The following CDK17 variants were observed in gnomAD, a reference collection of about 807,000 sequenced individuals.
The protein encoded by CDK17 is cyclin dependent kinase 17.
A neutral mutation model predicts 77.6 loss-of-function variants in CDK17; 24 were observed. That is an observed-to-expected ratio of 0.31 (90% CI 0.22 to 0.44). The LOEUF (loss-of-function observed/expected upper bound fraction) is 0.44. Among genes scored for constraint, CDK17 ranks in the 20% least tolerant of loss-of-function variants. The pLI is 1.00. For missense variants in CDK17, 429 were observed against 622.5 expected (o/e 0.69, Z 3.31); for synonymous variants, 203 against 210.4 (o/e 0.96, Z 0.30).
chr12:96,299,469 T>C (rs2137084718), intron 6 of CDK17, among the ~76,000 whole-genome samples: 1 of 151,074 alleles, frequency 6.6e-6, no homozygotes, highest in South Asian at 2.1e-4. Context: ...TGGCTTGCTG[T>C]AACCTCCACC....
chr12:96,367,656 T>C (rs960475305), intron 1 of CDK17, among the ~76,000 whole-genome samples: 1 of 152,136 alleles, frequency 6.6e-6, no homozygotes, highest in East Asian at 1.9e-4. Context: ...TGAGATTACC[T>C]ATCCTGGCAT....
At chr12:96,374,684 G>A (rs1238318648) in intron 1 of CDK17, among the ~76,000 whole-genome samples, 1 of 152,082 alleles carries the variant, frequency 6.6e-6, no homozygotes, top group Non-Finnish European at 1.5e-5. Context: ...TGGAAACCAG[G>A]AAAAGGGGGG....
chr12:96,340,383 T>G (rs762438174), intron 1 of CDK17, among the ~76,000 whole-genome samples: 1 of 152,140 alleles, frequency 6.6e-6, no homozygotes, highest in Non-Finnish European at 1.5e-5. Flanking sequence ...AAAATACTTA[T>G]AAAGCTAAAC....
intron 5 of CDK17, among the ~76,000 whole-genome samples, chr12:96,306,353 G>A (rs2137096371): frequency 6.6e-6 from 1 of 151,878 alleles, no homozygotes; most frequent in African/African-American, 2.4e-5. Context: ...GACTGCTTGA[G>A]GCCAGGAGTT....
At chr12:96,286,009 G>T in intron 13 of CDK17, 34 bp downstream of exon 13, 1 of 1,038,458 alleles carries the variant, frequency 9.6e-7, no homozygotes, top group Non-Finnish European at 1.5e-6. Flanking sequence ...AGAATCATGT[G>T]TTTTCCCCCC....
At chr12:96,379,139 A>T (rs1018585102) in intron 1 of CDK17, among the ~76,000 whole-genome samples, 6 of 152,182 alleles carry the variant, frequency 3.9e-5, no homozygotes, top group Admixed American at 2.0e-4. Flanking sequence ...GTACCAAAAA[A>T]ATCTAAATTT....
rs77147809 is a variant in CDK17, at chr12:96,364,405, A to C, written c.-29-29540T>G. 4.4e-3 allele frequency among the ~76,000 whole-genome samples: 666 copies of C among 152,280 alleles called. 5 individuals are homozygous for C. Among genetic ancestry groups the C allele is most frequent in the Middle Eastern group, 0.024 (7 of 294 alleles). On this transcript the variant is annotated intron_variant, in intron 1 of 16. Coordinates refer to ENST00000261211, the MANE Select transcript of CDK17 (RefSeq NM_002595.5). The stretch of plus-strand genomic sequence containing the variant: ...GTTCCAGCAATCCAGATCTTCAAAA[A>C]CACAGGTATTACCTTTTAAATTTTA...
At chr12:96,304,597 T>C (rs2137093377) in intron 5 of CDK17, among the ~76,000 whole-genome samples, 1 of 152,126 alleles carries the variant, frequency 6.6e-6, no homozygotes, top group East Asian at 1.9e-4. Context: ...TTCATTTCCC[T>C]CTCTGTGGGA....
chr12:96,326,952 C>A (rs1952899057), intron 2 of CDK17, among the ~76,000 whole-genome samples: 1 of 152,124 alleles, frequency 6.6e-6, no homozygotes, highest in African/African-American at 2.4e-5. Flanking sequence ...GTGATATGAT[C>A]TGATTCATGT....
intron 10 of CDK17, among the ~76,000 whole-genome samples, chr12:96,294,356 C>G (rs1167633459): frequency 6.6e-6 from 1 of 151,828 alleles, no homozygotes; most frequent in Non-Finnish European, 1.5e-5. Flanking sequence ...CTTTGGGAGG[C>G]CGAGGCGAGT....
At chr12:96,347,055 T>G (rs952664865) in intron 1 of CDK17, among the ~76,000 whole-genome samples, 2 of 152,138 alleles carry the variant, frequency 1.3e-5, no homozygotes, top group African/African-American at 4.8e-5. Flanking sequence ...AAACAGAGTA[T>G]GATAACAAGA....
intron 10 of CDK17, among the ~76,000 whole-genome samples, chr12:96,291,569 GT>G (rs1420713287): frequency 6.6e-6 from 1 of 151,534 alleles, no homozygotes; most frequent in Non-Finnish European, 1.5e-5. Flanking sequence ...GGGATTACAG[GT>G]GTCAGCAACC....
chr12:96,382,149 T>C (rs948080665), intron 1 of CDK17, among the ~76,000 whole-genome samples: 2 of 152,034 alleles, frequency 1.3e-5, no homozygotes, highest in African/African-American at 4.8e-5. Context: ...TATCGCATGT[T>C]CAAGTTTGTC....
At position 96,279,027 on chromosome 12, in the gene CDK17, T is replaced by G. The variant is rs1461417384; in HGVS notation, c.*1215A>C. 1 of 152,552 alleles carries G rather than the reference T, an allele frequency of 6.6e-6. No homozygotes were observed. The highest frequency in any genetic ancestry group is 2.4e-5 in the African/African-American group (1 of 41,424). 9.4% of individuals were successfully genotyped at this position (152,552 alleles called of 1,614,324 possible). A position where few individuals can be genotyped will look rare whatever the true frequency, so the allele number is the denominator to read the frequency against. On this transcript the variant is annotated 3_prime_UTR_variant, in exon 17 of 17. Coordinates refer to ENST00000261211, the MANE Select transcript of CDK17 (RefSeq NM_002595.5). ...TAAGGCAAAAATTTACACGACCATT[T>G]CAAAATATACCAATTAAGATTTATA...
chr12:96,387,773 C>G (rs560093596), intron 1 of CDK17, among the ~76,000 whole-genome samples: 161 of 151,838 alleles, frequency 1.1e-3, no homozygotes, highest in Non-Finnish European at 1.8e-3. Flanking sequence ...GAGACCCTGT[C>G]TCTATCAAAA....
intron 1 of CDK17, among the ~76,000 whole-genome samples, chr12:96,356,392 C>A (rs1013714397): frequency 6.6e-6 from 1 of 152,170 alleles, no homozygotes; most frequent in Non-Finnish European, 1.5e-5. Flanking sequence ...GTTGCCCAGG[C>A]TCAAGCAATC....
chr12:96,354,776 C>T (rs1953369059), intron 1 of CDK17, among the ~76,000 whole-genome samples: 1 of 152,060 alleles, frequency 6.6e-6, no homozygotes, highest in Non-Finnish European at 1.5e-5. Context: ...TCCAGCTACT[C>T]AGGAGGCTGA....
At chr12:96,329,972 A>T (rs1389957808) in intron 2 of CDK17, among the ~76,000 whole-genome samples, 1 of 152,170 alleles carries the variant, frequency 6.6e-6, no homozygotes, top group Non-Finnish European at 1.5e-5. Context: ...AATCATGATA[A>T]GTGACATTCT....
intron 1 of CDK17, chr12:96,399,380 C>T (rs1954222276): frequency 1.3e-5 from 2 of 152,444 alleles, no homozygotes; most frequent in Non-Finnish European, 2.9e-5. Flanking sequence ...GTGTGACCCG[C>T]CAGCAGGAGG....
Sources: allele counts gnomAD v4.1 joint callset (sites outside exome capture counted in the v4.1 genomes callset), GRCh38; gene constraint gnomAD v4.1.1; transcripts MANE v1.5; gene names NCBI Gene and HGNC (gene_info 2026-07-23, HGNC 2026-07-21).